The following BCORL1 variants were observed in gnomAD, a reference collection of about 807,000 sequenced individuals.
BCORL1 encodes BCL-6 corepressor-like protein 1.
A neutral mutation model predicts 87.6 loss-of-function variants in BCORL1; 7 were observed. That is an observed-to-expected ratio of 0.08 (90% CI 0.05 to 0.15). BCORL1 has a LOEUF of 0.15. Among genes scored for constraint, BCORL1 ranks in the 10% least tolerant of loss-of-function variants. BCORL1 has a pLI of 1.00. For missense variants in BCORL1, 1,215 were observed against 1,499.7 expected (o/e 0.81, Z 3.13); for synonymous variants, 591 against 634.4 (o/e 0.93, Z 1.03).
chrX:130,057,903 G>A lies in BCORL1; in HGVS notation c.*1767G>A, dbSNP rs1011582472. ...ACATATATATATATAAAGTTGAGGG[G>A]TTTTGGACTTTAATTTGTTGGTTTT... is the stretch of plus-strand genomic sequence containing the variant. On this transcript the variant is annotated 3_prime_UTR_variant, in exon 14 of 14. Coordinates refer to ENST00000540052, the MANE Select transcript of BCORL1 (RefSeq NM_001379451.1). 3 of 108,787 alleles carry A rather than the reference G, an allele frequency of 2.8e-5. No homozygotes were observed. The highest frequency in any genetic ancestry group is 2.0e-4 in the Admixed American group (2 of 10,098). The allele number at this position is 108,787 out of a possible 1,213,427, so 9.0% of individuals were successfully genotyped here.
chrX:130,021,569 A>G (rs185598597), intron 5 of BCORL1, among the ~76,000 whole-genome samples: 186 of 112,449 alleles, frequency 1.7e-3, no homozygotes, highest in African/African-American at 5.7e-3. Context: ...CTAGTTAGCT[A>G]GGAGAGTTTA....
Position 130,051,845 on chromosome X carries a change from A to G in BCORL1, c.4919-15A>G, listed in dbSNP as rs755671228. 2.6e-6 allele frequency: 3 copies of G among 1,175,330 alleles called. No individual in the cohort carries two copies. The highest frequency in any genetic ancestry group is 3.6e-5 in the African/African-American group (2 of 56,117). On this transcript the variant is annotated splice_polypyrimidine_tract_variant and intron_variant, in intron 12 of 13. Transcript: ENST00000540052. ...ATGTATCTGAGTCCTAATCCCCTAT[A>G]TGCTCCCCTTACAGAGGAAAAAGAC...
At chrX:130,020,905 C>T (rs1186205226) in intron 4 of BCORL1, 80 bp from the exon 5 acceptor site, 55 of 1,038,129 alleles carry the variant, frequency 5.3e-5, no homozygotes, top group South Asian at 1.9e-4. Flanking sequence ...AGGTCAGAAA[C>T]GGGACACATG....
chrX:130,012,940 G>T lies in BCORL1; in HGVS notation c.178-10G>T. 8.4e-7 allele frequency: 1 copy of T among 1,186,605 alleles called. No individual in the cohort carries two copies. Among genetic ancestry groups the T allele is most frequent in the Non-Finnish European group, 1.1e-6 (1 of 879,387 alleles). On this transcript the variant is annotated splice_polypyrimidine_tract_variant and intron_variant, in intron 3 of 13. Coordinates refer to ENST00000540052, the MANE Select transcript of BCORL1 (RefSeq NM_001379451.1). ...CTGGCTGAGATGTGCATGCTATCCT[G>T]TCGTTGCAGGTGGAGCTCACGGCAG...
intron 1 of BCORL1, among the ~76,000 whole-genome samples, chrX:129,996,985 T>A (rs1437811687): frequency 1.8e-5 from 2 of 111,469 alleles, no homozygotes; most frequent in Admixed American, 1.9e-4. Flanking sequence ...GTCAGATAGA[T>A]GCTTTCTCTG....
chrX:130,014,315 G>A lies in BCORL1; in HGVS notation c.1543G>A (p.Asp515Asn), dbSNP rs1929233201. ...AFSVARPLTS[D>N]SKLVSLEVNR... ...TTCTGTGGCCCGGCCTCTGACTTCG[G>A]ATTCCAAGCTGGTATCTCTGGAGGT... Residue 515 changes from aspartate to asparagine, a missense_variant, in exon 4 of 14, where the codon GAT becomes AAT. This residue lies in a region of BCORL1 where 861 missense variants were observed against 1,010.0 expected (regional missense o/e 0.85). Transcript: ENST00000540052. 1.7e-6 allele frequency: 2 copies of A among 1,211,488 alleles called. No homozygotes were observed. The highest frequency in any genetic ancestry group is 2.2e-6 in the Non-Finnish European group (2 of 895,419).
Position 130,014,103 on chromosome X carries a change from C to A in BCORL1, c.1331C>A (p.Thr444Asn), listed in dbSNP as rs752975166. ...TCCTTTCAGCCAGGGACAGTGCTGA[C>A]CCCGAGCCAGCCGCTGGTATATATC... ...PLSFQPGTVL[T>N]PSQPLVYIPP... The change falls in exon 4 of 14, where the codon ACC becomes AAC. Residue 444 changes from threonine to asparagine, a missense_variant. By Grantham distance (65) the Thr-to-Asn change is moderately conservative. Around this residue, in one of 5 missense-constraint regions of BCORL1, gnomAD observed 861 missense variants for 1,010.0 expected, o/e 0.85. Transcript: ENST00000540052. 8.3e-7 allele frequency: 1 copy of A among 1,210,690 alleles called. No individual in the cohort carries two copies. Among genetic ancestry groups the A allele is most frequent in the Admixed American group, 2.2e-5 (1 of 45,982 alleles).
intron 2 of BCORL1, among the ~76,000 whole-genome samples, chrX:130,011,438 C>G (rs933814000): frequency 8.1e-5 from 9 of 110,943 alleles, no homozygotes; most frequent in African/African-American, 3.0e-4. Context: ...GGAGTTTTAC[C>G]ATGATGGCCA....
intron 1 of BCORL1, among the ~76,000 whole-genome samples, chrX:130,004,241 GTTTTTTTTTTTT>G (rs1189082044): frequency 1.2e-5 from 1 of 85,634 alleles, no homozygotes; most frequent in Admixed American, 1.3e-4. Context: ...GAAATGTGTG[GTTTTTTTTTTTT>G]TTTTTTTTTG....
chrX:130,025,886 G>A (rs769714088), intron 7 of BCORL1, among the ~76,000 whole-genome samples: 3 of 111,153 alleles, frequency 2.7e-5, no homozygotes, highest in Non-Finnish European at 3.8e-5. Context: ...TGCTTTATCC[G>A]TTAAAGCCAC....
intron 4 of BCORL1, among the ~76,000 whole-genome samples, chrX:130,020,777 G>A (rs193212600): frequency 9.0e-6 from 1 of 111,632 alleles, no homozygotes; most frequent in African/African-American, 3.3e-5. Context: ...GGATGTGGAC[G>A]CCTATGGGGA....
At chrX:130,011,603 CTT>C (rs1449784610) in intron 2 of BCORL1, among the ~76,000 whole-genome samples, 1 of 35,559 alleles carries the variant, frequency 2.8e-5, no homozygotes. Context: ...CACCCTCTCC[CTT>C]TTTTTTTTTG....
chrX:130,024,942 T>C (rs1270270018), intron 6 of BCORL1, 48 bp from the exon 7 acceptor site: 4 of 1,182,782 alleles, frequency 3.4e-6, no homozygotes, highest in Non-Finnish European at 4.5e-6. Context: ...CACCATGCTT[T>C]GTCCTTTGAA....
At chrX:129,983,143 A>G (rs1926259383) in intron 1 of BCORL1, among the ~76,000 whole-genome samples, 1 of 108,338 alleles carries the variant, frequency 9.2e-6, no homozygotes, top group African/African-American at 3.4e-5. Context: ...TTCGTACCCC[A>G]TCCCCTGACT....
chrX:130,011,119 G>A (rs746841771), intron 2 of BCORL1, among the ~76,000 whole-genome samples: 2 of 106,872 alleles, frequency 1.9e-5, no homozygotes. Context: ...CCTGTGCCTT[G>A]CCCACCCAGG....
chrX:130,001,417 T>G (rs974686095), intron 1 of BCORL1, among the ~76,000 whole-genome samples: 2 of 112,245 alleles, frequency 1.8e-5, no homozygotes, highest in African/African-American at 6.5e-5. Flanking sequence ...CTTAGGTAGC[T>G]GATTGGTGGG....
At chrX:130,003,976 A>T (rs1295237476) in intron 1 of BCORL1, among the ~76,000 whole-genome samples, 1 of 112,048 alleles carries the variant, frequency 8.9e-6, no homozygotes, top group African/African-American at 3.2e-5. Flanking sequence ...GAAAGTGGAG[A>T]ACAGCATTCA....
At chrX:130,020,226 C>T (rs1929701255) in intron 4 of BCORL1, among the ~76,000 whole-genome samples, 1 of 112,115 alleles carries the variant, frequency 8.9e-6, no homozygotes, top group African/African-American at 3.2e-5. Flanking sequence ...GTGTGTTACC[C>T]TGGACAAGTC....
At chrX:130,024,522 A>T (rs764920364) in intron 6 of BCORL1, among the ~76,000 whole-genome samples, 16 of 110,729 alleles carry the variant, frequency 1.4e-4, no homozygotes, top group South Asian at 7.6e-4. Flanking sequence ...CAAAAGGAGT[A>T]TATCCTCCCT....
Sources: gnomAD v4.1 joint callset for allele counts (sites outside exome capture counted in the v4.1 genomes callset) on GRCh38, gnomAD v4.1.1 for gene constraint, gnomAD v4.1.1 regional missense constraint, MANE v1.5 for transcripts, NCBI Gene and HGNC (gene_info 2026-07-23, HGNC 2026-07-21) for gene names.